The following CHN2 variants were observed in gnomAD, a reference collection of about 807,000 sequenced individuals.
The protein encoded by CHN2 is beta-chimaerin.
In CHN2, 35 loss-of-function variants were observed where a neutral mutation model predicts 56.3. That is an observed-to-expected ratio of 0.62 (90% CI 0.47 to 0.82). CHN2 has a LOEUF of 0.82. Ranked by LOEUF, CHN2 falls within the 40% of genes least tolerant of loss-of-function variation. The pLI is 0.00. For missense variants in CHN2, 491 were observed against 580.5 expected (o/e 0.85, Z 1.58); for synonymous variants, 210 against 212.8 (o/e 0.99, Z 0.12).
In CHN2 at chr7:29,247,904, GTCA is replaced by G. The variant is rs1286019905; in HGVS notation, c.49+52919_49+52921del. 3.3e-5 allele frequency among the ~76,000 whole-genome samples: 5 copies of G among 152,336 alleles called. No individual in the cohort carries two copies. The East Asian group carries it at 7.7e-4, about 24-fold the overall frequency. On this transcript the variant is annotated intron_variant, in intron 1 of 12. Coordinates refer to ENST00000222792, the MANE Select transcript of CHN2 (RefSeq NM_004067.4). Reference sequence around the variant, plus strand: ...TTATACTGTTTTTGATTTTAGTTGAGTCATCATTTTTATAGAAACAGCATCATT... The same window carrying G: ...TTATACTGTTTTTGATTTTAGTTGAGTCATTTTTATAGAAACAGCATCATT...
chr7:29,155,946 G>A (rs1023002650), intron 2 of CHN2, among the ~76,000 whole-genome samples: 3 of 152,194 alleles, frequency 2.0e-5, no homozygotes, highest in Admixed American at 6.5e-5. Flanking sequence ...AGACGGCCAC[G>A]TGCTCTTGCA....
chr7:29,471,093 C>G (rs1785987773), intron 6 of CHN2, among the ~76,000 whole-genome samples: 1 of 152,158 alleles, frequency 6.6e-6, no homozygotes, highest in Non-Finnish European at 1.5e-5. Flanking sequence ...AACAAATGTT[C>G]CATTCTCTCA....
rs375120538 is a variant in CHN2 at position 29,482,797 on chromosome 7, C to CTTTTTTTTTTTT, written c.654+2472_654+2483dup. Reference sequence around the variant, plus strand: ...TGCTAGGTGCTGTCTGCACTTTTTTCTTTTTTTTTTTTTTTTTTTTTTTTT... The same window carrying CTTTTTTTTTTTT: ...TGCTAGGTGCTGTCTGCACTTTTTTCTTTTTTTTTTTTTTTTTTTTTTTTTTTTTTTTTTTTT... On this transcript the variant is annotated intron_variant, in intron 7 of 12. Coordinates refer to ENST00000222792, the MANE Select transcript of CHN2 (RefSeq NM_004067.4). Among the ~76,000 whole-genome samples the CTTTTTTTTTTTT allele has an allele frequency of 9.0e-4, 58 of 64,212 alleles. 12 individuals are homozygous for CTTTTTTTTTTTT. Among genetic ancestry groups the CTTTTTTTTTTTT allele is most frequent in the Admixed American group, 1.9e-3 (8 of 4,322 alleles). The allele number at this position is 64,212 out of a possible 152,430, so 42.1% of individuals were successfully genotyped here. A position where few individuals can be genotyped will look rare whatever the true frequency, so the allele number is the denominator to read the frequency against.
intron 10 of CHN2, 82 bp from the exon 11 acceptor site, chr7:29,507,146 G>GA (rs1790659134): frequency 1.2e-6 from 1 of 826,090 alleles, no homozygotes; most frequent in South Asian, 1.9e-5. Flanking sequence ...TTCATCGCTG[G>GA]ATTTTTTTTT....
At chr7:29,252,583 T>TTTTTTTTTGTTTTGTTTTG (rs1788681666) in intron 1 of CHN2, among the ~76,000 whole-genome samples, 7 of 19,226 alleles carry the variant, frequency 3.6e-4, no homozygotes, top group Admixed American at 2.1e-3. Flanking sequence ...TCTTTGTTTT[T>TTTTTTTTTGTTTTGTTTTG]TTTTTTTTTT....
chr7:29,485,747 G>GT (rs1787898335), intron 7 of CHN2, among the ~76,000 whole-genome samples: 1 of 152,146 alleles, frequency 6.6e-6, no homozygotes, highest in Non-Finnish European at 1.5e-5. Flanking sequence ...ATCAGTTGGG[G>GT]TGGGCCAGAT....
At chr7:29,354,604 C>CT (rs66659316) in intron 1 of CHN2, 21 bp from the exon 2 acceptor site, 24,683 of 1,304,136 alleles carry the variant, frequency 0.019, 1 homozygote, top group East Asian at 0.024. Flanking sequence ...TGATGGATTT[C>CT]TTTTTTTTTT....
intron 1 of CHN2, among the ~76,000 whole-genome samples, chr7:29,247,378 C>A (rs39094): frequency 0.5 from 76,043 of 152,060 alleles, 20,465 homozygotes; most frequent in Non-Finnish European, 0.6. Flanking sequence ...TGGCTGCCTC[C>A]TTTCACCCCT....
chr7:29,193,093 T>C (rs529715159), upstream of CHN2: 8 of 152,324 alleles, frequency 5.3e-5, no homozygotes, highest in East Asian at 1.4e-3. Context: ...CGCTTGGGTC[T>C]CCTTAGACCA....
intron 2 of CHN2, among the ~76,000 whole-genome samples, chr7:29,172,679 A>G (rs1796756141): frequency 6.6e-6 from 1 of 152,186 alleles, no homozygotes; most frequent in African/African-American, 2.4e-5. Flanking sequence ...CATATTAACC[A>G]TTGCTTTTTG....
At chr7:29,429,956 C>G (rs1295375126) in intron 6 of CHN2, among the ~76,000 whole-genome samples, 4 of 152,100 alleles carry the variant, frequency 2.6e-5, no homozygotes, top group Non-Finnish European at 5.9e-5. Context: ...AGTATAAGAC[C>G]TCTGTAAAGA....
At chr7:29,305,446 G>C (rs973989257) in intron 1 of CHN2, among the ~76,000 whole-genome samples, 9 of 151,722 alleles carry the variant, frequency 5.9e-5, no homozygotes, top group Non-Finnish European at 1.2e-4. Context: ...TCTCTTCTAT[G>C]ATAAAGATCA....
intron 2 of CHN2, among the ~76,000 whole-genome samples, chr7:29,161,806 T>G (rs1251297115): frequency 6.6e-6 from 1 of 152,216 alleles, no homozygotes; most frequent in Non-Finnish European, 1.5e-5. Flanking sequence ...ATAGAATATA[T>G]AAAGAGTTCT....
chr7:29,426,920 C>T (rs543376255), intron 6 of CHN2, among the ~76,000 whole-genome samples: 92 of 152,306 alleles, frequency 6.0e-4, no homozygotes, highest in African/African-American at 2.0e-3. Flanking sequence ...ATGGTCCCTC[C>T]GTCATCACGT....
intron 1 of CHN2, among the ~76,000 whole-genome samples, chr7:29,318,055 T>A (rs1431973772): frequency 6.6e-6 from 1 of 152,188 alleles, no homozygotes; most frequent in Non-Finnish European, 1.5e-5. Context: ...AGAATGTAGA[T>A]GATGCCCCAG....
rs1584754030 is a variant in CHN2 at position 29,212,987 on chromosome 7, C to G, written c.49+17997C>G. The stretch of plus-strand genomic sequence containing the variant: ...AACACTCAGACCTGGTGCACCCAGT[C>G]CTGGAACAATCAGGCCTGGAACAGT... On this transcript the variant is annotated intron_variant, in intron 1 of 12. Transcript: ENST00000222792. The G allele has an allele frequency of 1.2e-5, 19 of 1,600,010 alleles. No individual in the cohort carries two copies. The East Asian group carries it at 3.8e-4, about 32-fold the overall frequency.
chr7:29,458,567 A>G (rs1309345166), intron 6 of CHN2, among the ~76,000 whole-genome samples: 2 of 152,110 alleles, frequency 1.3e-5, no homozygotes, highest in Non-Finnish European at 2.9e-5. Context: ...CCTGGAGTTA[A>G]TGTGTGTGGA....
At chr7:29,453,200 T>G (rs1784522951) in intron 6 of CHN2, among the ~76,000 whole-genome samples, 1 of 152,152 alleles carries the variant, frequency 6.6e-6, no homozygotes, top group Non-Finnish European at 1.5e-5. Flanking sequence ...GAAACTGACG[T>G]CAGGGTCAGC....
chr7:29,345,248 A>G (rs1797338339), intron 1 of CHN2, among the ~76,000 whole-genome samples: 3 of 152,356 alleles, frequency 2.0e-5, no homozygotes, highest in South Asian at 4.1e-4. Context: ...TGACCCACAC[A>G]TTGGAGGACA....
Sources: gnomAD v4.1 joint callset for allele counts (sites outside exome capture counted in the v4.1 genomes callset) on GRCh38, gnomAD v4.1.1 for gene constraint, MANE v1.5 for transcripts, NCBI Gene and HGNC (gene_info 2026-07-23, HGNC 2026-07-21) for gene names.